The following GCNT2 variants were observed in gnomAD, a reference collection of about 807,000 sequenced individuals.
The protein encoded by GCNT2 is glucosaminyl (N-acetyl) transferase 2 (I blood group).
In GCNT2, 34 loss-of-function variants were observed where a neutral mutation model predicts 34.2. The observed-to-expected ratio is 1.00, with a 90% CI of 0.76 to 1.32. The LOEUF (loss-of-function observed/expected upper bound fraction) is 1.32. GCNT2 is among the 40% of genes most tolerant of loss of function. The pLI is 0.00. For synonymous variants in GCNT2, 212 were observed against 188.0 expected (o/e 1.13, Z -1.04); for missense variants, 584 against 489.4 (o/e 1.19, Z -1.82).
intron 3 of GCNT2, among the ~76,000 whole-genome samples, chr6:10,606,633 C>CATTAAAGAAATTTAATGGAAATTTAA: frequency 7.8e-6 from 1 of 127,400 alleles, no homozygotes; most frequent in African/African-American, 2.6e-5. Context: ...TGGAAATTTC[C>CATTAAAGAAATTTAATGGAAATTTAA]ATTAAAGAAA....
chr6:10,551,950 G>A (rs1185350550), intron 3 of GCNT2, among the ~76,000 whole-genome samples: 1 of 151,092 alleles, frequency 6.6e-6, no homozygotes, highest in African/African-American at 2.4e-5. Flanking sequence ...TAGAGATGGG[G>A]GTTCCACCAT....
intron 3 of GCNT2, among the ~76,000 whole-genome samples, chr6:10,562,326 T>G (rs1032659603): frequency 6.6e-6 from 1 of 152,138 alleles, no homozygotes; most frequent in Non-Finnish European, 1.5e-5. Context: ...GTGTACTTGC[T>G]TTTCACAGTG....
At chr6:10,620,133 T>C (rs1765968017) in intron 3 of GCNT2, among the ~76,000 whole-genome samples, 1 of 152,224 alleles carries the variant, frequency 6.6e-6, no homozygotes, top group East Asian at 1.9e-4. Flanking sequence ...GATTAGGATG[T>C]AGGCATCTTT....
intron 1 of GCNT2, among the ~76,000 whole-genome samples, chr6:10,521,881 T>TG (rs1760931332): frequency 6.6e-6 from 1 of 151,730 alleles, no homozygotes; most frequent in Non-Finnish European, 1.5e-5. Context: ...ATAAGGTACT[T>TG]GGTACTGTCT....
rs1766343330 is a variant in GCNT2, at chr6:10,628,056, G to C, written c.*1449G>C. 6.6e-6 allele frequency: 1 copy of C among 152,590 alleles called. No individual in the cohort carries two copies. The highest frequency in any genetic ancestry group is 1.5e-5 in the Non-Finnish European group (1 of 68,026). The allele number at this position is 152,590 out of a possible 1,614,324, so 9.5% of individuals were successfully genotyped here. A position where few individuals can be genotyped will look rare whatever the true frequency, so the allele number is the denominator to read the frequency against. On this transcript the variant is annotated 3_prime_UTR_variant, in exon 5 of 5. Transcript: ENST00000495262. Reference sequence around the variant, plus strand: ...AATAGCACCGGGGAACAATTTCTCTGGGTGAGAATTGGGACTCTGTTGCTG... The same window carrying C: ...AATAGCACCGGGGAACAATTTCTCTCGGTGAGAATTGGGACTCTGTTGCTG...
At position 10,568,869 on chromosome 6, in the gene GCNT2, G is replaced by A. The variant is rs564384103; in HGVS notation, c.925+39033G>A. Among the ~76,000 whole-genome samples, 22 of 152,146 alleles carry A rather than the reference G, an allele frequency of 1.4e-4. 1 individual carries two copies. In the South Asian group the frequency reaches 3.5e-3, roughly 24 times the overall value. On this transcript the variant is annotated intron_variant, in intron 3 of 4. Coordinates refer to ENST00000495262, the MANE Select transcript of GCNT2 (RefSeq NM_145649.5). ...ATTTAAATAATGGCCTTGTTTAATG[G>A]TATGTCATTCAATGGTAACACATCA...
At chr6:10,587,004 A>G (rs1292631756) in intron 3 of GCNT2, 1 of 914,428 alleles carries the variant, frequency 1.1e-6, no homozygotes, top group Non-Finnish European at 1.8e-6. Flanking sequence ...TTATTATGAA[A>G]TAAATTTAAA....
At chr6:10,611,393 C>G (rs1464766947) in intron 3 of GCNT2, among the ~76,000 whole-genome samples, 1 of 150,188 alleles carries the variant, frequency 6.7e-6, no homozygotes, top group Non-Finnish European at 1.5e-5. Flanking sequence ...TGCAGTGACG[C>G]GATCTCAGCT....
At chr6:10,564,424 C>A (rs1401304410) in intron 3 of GCNT2, among the ~76,000 whole-genome samples, 1 of 152,186 alleles carries the variant, frequency 6.6e-6, no homozygotes, top group Non-Finnish European at 1.5e-5. Flanking sequence ...CTCTCCCTAC[C>A]CTCATCCCTG....
chr6:10,555,999 T>A (rs374187997), intron 3 of GCNT2: 6 of 1,098,482 alleles, frequency 5.5e-6, no homozygotes, highest in East Asian at 7.5e-5. Flanking sequence ...ACTTCAACTC[T>A]GGCTTTCACT....
chr6:10,552,086 G>A (rs1271525519), intron 3 of GCNT2, among the ~76,000 whole-genome samples: 1 of 152,076 alleles, frequency 6.6e-6, no homozygotes, highest in African/African-American at 2.4e-5. Context: ...ATAATGCTTT[G>A]GGTTCTGTGA....
At chr6:10,560,383 G>T (rs766926847) in intron 3 of GCNT2, among the ~76,000 whole-genome samples, 1 of 152,110 alleles carries the variant, frequency 6.6e-6, no homozygotes, top group Admixed American at 6.5e-5. Context: ...GAGCCACTGC[G>T]CCGGGCTGAG....
chr6:10,560,917 T>C (rs1458373599), intron 3 of GCNT2, among the ~76,000 whole-genome samples: 2 of 152,266 alleles, frequency 1.3e-5, no homozygotes, highest in East Asian at 1.9e-4. Context: ...TTCTCTTCTG[T>C]GTGGCTTGTG....
At chr6:10,581,266 T>C (rs1043944158) in intron 3 of GCNT2, among the ~76,000 whole-genome samples, 2 of 148,910 alleles carry the variant, frequency 1.3e-5, no homozygotes, top group African/African-American at 4.9e-5. Context: ...TGTATTTATT[T>C]ATTTTTTATT....
chr6:10,536,545 G>T (rs1042989630), intron 3 of GCNT2, among the ~76,000 whole-genome samples: 1 of 151,152 alleles, frequency 6.6e-6, no homozygotes, highest in East Asian at 2.0e-4. Context: ...TAGTAGAGAC[G>T]GGGTTTCACC....
At chr6:10,600,637 C>A (rs1039216899) in intron 3 of GCNT2, among the ~76,000 whole-genome samples, 2 of 152,112 alleles carry the variant, frequency 1.3e-5, no homozygotes, top group African/African-American at 4.8e-5. Context: ...TTTATCATAG[C>A]GTATGTAGCC....
chr6:10,539,896 A>C (rs1444828987), intron 3 of GCNT2, among the ~76,000 whole-genome samples: 1 of 152,174 alleles, frequency 6.6e-6, no homozygotes, highest in East Asian at 1.9e-4. Flanking sequence ...TAGGCAACAT[A>C]GTGAAATTCC....
At chr6:10,541,682 A>T (rs1762041620) in intron 3 of GCNT2, among the ~76,000 whole-genome samples, 1 of 152,168 alleles carries the variant, frequency 6.6e-6, no homozygotes, top group Non-Finnish European at 1.5e-5. Flanking sequence ...TTCAACTTGA[A>T]TTCCCTATGT....
intron 3 of GCNT2, among the ~76,000 whole-genome samples, chr6:10,535,033 A>C (rs1761693606): frequency 6.6e-6 from 1 of 151,960 alleles, no homozygotes. Context: ...AAAATGCAAA[A>C]ATTAACCGGG....
Sources: gnomAD v4.1 joint callset for allele counts (sites outside exome capture counted in the v4.1 genomes callset) on GRCh38, gnomAD v4.1.1 for gene constraint, MANE v1.5 for transcripts, NCBI Gene and HGNC (gene_info 2026-07-23, HGNC 2026-07-21) for gene names.